The following TRRAP variants were observed in gnomAD, a reference collection of about 807,000 sequenced individuals.
TRRAP encodes transformation/transcription domain-associated protein.
TRRAP carries 41 observed loss-of-function variants against 438.8 expected under a neutral mutation model. The ratio of observed to expected loss-of-function variants is 0.09; its 90% CI spans 0.07 to 0.12. The LOEUF (loss-of-function observed/expected upper bound fraction) is 0.12. TRRAP is among the 10% of genes least tolerant of loss of function. The probability of loss-of-function intolerance (pLI) is 1.00; values close to 1 mark genes in which losing one functional copy is unlikely to be tolerated. For synonymous variants in TRRAP, 1,994 were observed against 1,962.9 expected (o/e 1.02, Z -0.42); for missense variants, 3,122 against 5,055.1 (o/e 0.62, Z 11.60).
At chr7:98,979,128 T>G in intron 58 of TRRAP, among the ~76,000 whole-genome samples, 1 of 152,240 alleles carries the variant, frequency 6.6e-6, no homozygotes, top group East Asian at 1.9e-4. Flanking sequence ...AACTATGAAC[T>G]AGAAGATGGA....
Position 98,956,050 on chromosome 7 carries a change from G to A in TRRAP, c.5938-96G>A, listed in dbSNP as rs1791584727. On this transcript the variant is annotated intron_variant, in intron 41 of 72. Coordinates refer to ENST00000456197, the MANE Select transcript of TRRAP (RefSeq NM_001375524.1). This position sits in a 1 kb window ranked among gnomAD's most constrained non-coding sequence, Gnocchi z 4.5. ...TGTGTGTGTATGTTGGGGCTGAGAG[G>A]CATGTCGGGGGTGTGTGTGTGCACG... The A allele has an allele frequency of 3.5e-6, 5 of 1,427,860 alleles. No homozygotes were observed. The Admixed American group carries it at 6.6e-5, about 19-fold the overall frequency. The allele number at this position is 1,427,860 out of a possible 1,614,324, so 88.4% of individuals were successfully genotyped here. A position where few individuals can be genotyped will look rare whatever the true frequency, so the allele number is the denominator to read the frequency against.
Position 98,950,132 on chromosome 7 carries a change from A to G in TRRAP, c.5204A>G (p.Asn1735Ser), listed in dbSNP as rs1791267114. 5 of 1,614,264 alleles carry G rather than the reference A, an allele frequency of 3.1e-6. No individual in the cohort carries two copies. The highest frequency in any genetic ancestry group is 4.2e-6 in the Non-Finnish European group (5 of 1,180,042). Residue 1735 changes from asparagine to serine, a missense_variant, in exon 38 of 73, where the codon AAC (asparagine) becomes AGC (serine). Asn to Ser is a conservative substitution (Grantham distance 46, BLOSUM62 1). Transcript: ENST00000456197. Reference protein sequence around the residue: ...LRAFTGRFLCNMTFLKEYMEE... With the variant: ...LRAFTGRFLCSMTFLKEYMEE... ...GCCTTTACTGGTCGTTTTCTCTGCA[A>G]CATGACATTCTTAAAAGAGTATATG... is the stretch of plus-strand genomic sequence containing the variant.
intron 67 of TRRAP, among the ~76,000 whole-genome samples, chr7:99,002,571 C>T (rs1364474885): frequency 6.6e-6 from 1 of 152,144 alleles, no homozygotes; most frequent in Non-Finnish European, 1.5e-5. Context: ...TGGTGGTGGC[C>T]TCTGTCTCTC....
At chr7:98,901,714 A>G (rs1236877687) in intron 11 of TRRAP, among the ~76,000 whole-genome samples, 1 of 151,968 alleles carries the variant, frequency 6.6e-6, no homozygotes. Flanking sequence ...ATGCCTGGCT[A>G]ATATTTGTAT....
intron 61 of TRRAP, among the ~76,000 whole-genome samples, chr7:98,984,706 C>A (rs1793076591): frequency 6.6e-6 from 1 of 152,144 alleles, no homozygotes; most frequent in African/African-American, 2.4e-5. Flanking sequence ...ACCTATAAAG[C>A]TTTGGAGAAA....
At chr7:98,878,937 A>T (rs1037051874) in intron 1 of TRRAP, among the ~76,000 whole-genome samples, 10 of 152,062 alleles carry the variant, frequency 6.6e-5, no homozygotes, top group Non-Finnish European at 1.5e-4. Flanking sequence ...CGACCAAAGG[A>T]GGGAACCGGA....
At chr7:98,928,499 C>A (rs1386051188) in intron 23 of TRRAP, among the ~76,000 whole-genome samples, 1 of 152,166 alleles carries the variant, frequency 6.6e-6, no homozygotes, top group Non-Finnish European at 1.5e-5. Context: ...GATTGTTTCT[C>A]AGTGTTTGTT....
chr7:98,884,257 T>G (rs1005319388), intron 3 of TRRAP, among the ~76,000 whole-genome samples: 1 of 152,128 alleles, frequency 6.6e-6, no homozygotes, highest in Non-Finnish European at 1.5e-5. Context: ...TTTTTGTTTG[T>G]TTGTTTTTAA....
At chr7:98,933,582 A>G (rs1203767057) in intron 27 of TRRAP, among the ~76,000 whole-genome samples, 180 bp downstream of exon 27, 1 of 152,108 alleles carries the variant, frequency 6.6e-6, no homozygotes, top group Non-Finnish European at 1.5e-5. Flanking sequence ...GCTCGGGCGG[A>G]AGGGAGGTAT....
At chr7:98,977,606 G>A (rs1461361975) in intron 56 of TRRAP, among the ~76,000 whole-genome samples, 1 of 152,228 alleles carries the variant, frequency 6.6e-6, no homozygotes, top group African/African-American at 2.4e-5. Flanking sequence ...TGCCAGCGTG[G>A]ATGCTTTTTC....
At position 99,011,088 on chromosome 7, in the gene TRRAP, A is replaced by G. The variant is rs372408587; in HGVS notation, c.10975A>G (p.Met3659Val). The change falls in exon 71 of 73, where the codon ATG becomes GTG. Residue 3659 changes from methionine to valine, a missense_variant. Physicochemically the swap from Met to Val is conservative, Grantham distance 21 (BLOSUM62 1). Coordinates refer to ENST00000456197, the MANE Select transcript of TRRAP (RefSeq NM_001375524.1). This position sits in a 1 kb window ranked among gnomAD's most constrained non-coding sequence, Gnocchi z 7.1. The part of the protein sequence containing the change: ...RDILKEVQSN[M>V]VPRSMLKEWA... ...CATCCTCAAGGAGGTTCAGAGTAAC[A>G]TGGTGCCGCGCAGCATGCTCAAGGA... The G allele has an allele frequency of 1.1e-5, 18 of 1,614,200 alleles. No individual in the cohort carries two copies. The East Asian group carries it at 3.1e-4, about 28-fold the overall frequency.
At chr7:99,002,313 ATCAGCTCT>A (rs1200444421) in intron 67 of TRRAP, among the ~76,000 whole-genome samples, 1 of 152,230 alleles carries the variant, frequency 6.6e-6, no homozygotes, top group African/African-American at 2.4e-5. Flanking sequence ...TGAAGTCTGA[ATCAGCTCT>A]TCAGCTCTTT....
intron 51 of TRRAP, among the ~76,000 whole-genome samples, chr7:98,969,171 C>A (rs145659472): frequency 2.1e-3 from 327 of 152,334 alleles, no homozygotes; most frequent in Non-Finnish European, 3.9e-3. Flanking sequence ...CAAAATTATT[C>A]TTAATAAAGC....
intron 58 of TRRAP, 130 bp from the exon 59 acceptor site, chr7:98,981,638 TC>T: frequency 1.1e-6 from 1 of 879,320 alleles, no homozygotes; most frequent in Non-Finnish European, 1.7e-6. Flanking sequence ...AAAATACATT[TC>T]TATAGCCTAA....
intron 3 of TRRAP, among the ~76,000 whole-genome samples, chr7:98,886,447 GAT>G (rs1208806904): frequency 1.3e-5 from 2 of 150,412 alleles, no homozygotes; most frequent in African/African-American, 5.0e-5. Context: ...TAGATATCTA[GAT>G]AGATATAGAT....
At chr7:98,946,057 T>A (rs782729545) in intron 33 of TRRAP, 107 bp downstream of exon 33, 39 of 1,177,248 alleles carry the variant, frequency 3.3e-5, no homozygotes, top group Non-Finnish European at 4.1e-5. Context: ...CGTTGTGCCC[T>A]TGAGTGCAGT....
At chr7:98,892,331 A>G in intron 4 of TRRAP, 93 bp from the exon 5 acceptor site, 1 of 1,018,036 alleles carries the variant, frequency 9.8e-7, no homozygotes, top group Non-Finnish European at 1.5e-6. Context: ...GCTGGGTGTA[A>G]ACAGCTGTGT....
rs144865561 is a variant in TRRAP at position 98,949,625 on chromosome 7, G to A, written c.4954-35G>A. On this transcript the variant is annotated intron_variant, in intron 36 of 72. Coordinates refer to ENST00000456197, the MANE Select transcript of TRRAP (RefSeq NM_001375524.1). ...GCCCCCAATGCCCAGGGGTTTAATC[G>A]AGACACGGTTCCCTAATTATCTCTT... is the stretch of plus-strand genomic sequence containing the variant. 5.3e-3 allele frequency: 8,531 copies of A among 1,596,066 alleles called. 27 individuals are homozygous for A. Among genetic ancestry groups the A allele is most frequent in the South Asian group, 6.2e-3 (546 of 88,486 alleles).
chr7:98,892,345 A>T (rs1796014805), intron 4 of TRRAP, 79 bp from the exon 5 acceptor site: 2 of 1,195,152 alleles, frequency 1.7e-6, no homozygotes, highest in Non-Finnish European at 2.4e-6. Flanking sequence ...GCTGTGTGAC[A>T]CTTGCAGAGT....
Sources: gnomAD v4.1 joint callset for allele counts (sites outside exome capture counted in the v4.1 genomes callset) on GRCh38, gnomAD v4.1.1 for gene constraint, Gnocchi (gnomAD v3.1) non-coding constraint, MANE v1.5 for transcripts, NCBI Gene and HGNC (gene_info 2026-07-23, HGNC 2026-07-21) for gene names.